The following PITPNC1 variants were observed in gnomAD, a reference collection of about 807,000 sequenced individuals.
PITPNC1 encodes phosphatidylinositol transfer protein cytoplasmic 1.
PITPNC1 carries 18 observed loss-of-function variants against 44.7 expected under a neutral mutation model. The ratio of observed to expected loss-of-function variants is 0.40; its 90% CI spans 0.28 to 0.60. The LOEUF (loss-of-function observed/expected upper bound fraction) is 0.60. Ranked by LOEUF, PITPNC1 falls within the 20% of genes least tolerant of loss-of-function variation. PITPNC1 has a pLI of 0.39. For missense variants in PITPNC1, 290 were observed against 418.4 expected (o/e 0.69, Z 2.68); for synonymous variants, 141 against 149.6 (o/e 0.94, Z 0.42).
At chr17:67,617,148 G>A (rs1388929313) in intron 5 of PITPNC1, among the ~76,000 whole-genome samples, 2 of 152,204 alleles carry the variant, frequency 1.3e-5, no homozygotes, top group Non-Finnish European at 2.9e-5. Context: ...CCTCAGGGAA[G>A]GCCAGCTTTT....
intron 5 of PITPNC1, among the ~76,000 whole-genome samples, chr17:67,609,003 C>T (rs2041652437): frequency 6.6e-6 from 1 of 151,142 alleles, no homozygotes; most frequent in Non-Finnish European, 1.5e-5. Flanking sequence ...GCATGGCTTC[C>T]CTGTGATTTT....
chr17:67,394,213 A>T (rs989874648), intron 1 of PITPNC1, among the ~76,000 whole-genome samples: 1 of 152,038 alleles, frequency 6.6e-6, no homozygotes, highest in African/African-American at 2.4e-5. Context: ...ATCACAGAAG[A>T]GATGAGGGTC....
intron 1 of PITPNC1, among the ~76,000 whole-genome samples, chr17:67,499,902 C>T (rs977263087): frequency 6.6e-6 from 1 of 152,216 alleles, no homozygotes; most frequent in Non-Finnish European, 1.5e-5. Flanking sequence ...ATATCCCCAT[C>T]GTTAAGCAAT....
At chr17:67,459,113 C>CTTTTTTTTTTTTTTTTTTTTTTTTTTTTT (rs886333854) in intron 1 of PITPNC1, among the ~76,000 whole-genome samples, 1 of 95,732 alleles carries the variant, frequency 1.0e-5, no homozygotes, top group Non-Finnish European at 2.1e-5. Context: ...TTTTCTTTTT[C>CTTTTTTTTTTTTTTTTTTTTTTTTTTTTT]TTTTTTTTTT....
intron 1 of PITPNC1, among the ~76,000 whole-genome samples, chr17:67,420,374 TCCTCCCTCCCCTC>T (rs1299833520): frequency 0.013 from 908 of 67,528 alleles, 10 homozygotes; most frequent in African/African-American, 0.048. Context: ...CTTCCTTCCT[TCCTCCCTCCCCTC>T]CCTCCCTCCC....
intron 1 of PITPNC1, among the ~76,000 whole-genome samples, chr17:67,432,342 G>A (rs557704903): frequency 1.3e-5 from 2 of 152,194 alleles, no homozygotes; most frequent in South Asian, 4.1e-4. Context: ...ACAAAAATTA[G>A]CCGGGCGTGG....
chr17:67,403,053 T>C (rs888348706), intron 1 of PITPNC1, among the ~76,000 whole-genome samples: 1 of 152,100 alleles, frequency 6.6e-6, no homozygotes, highest in Non-Finnish European at 1.5e-5. Context: ...CATGCCTTTG[T>C]GTCTTTCTCT....
At chr17:67,386,416 C>T (rs1181415983) in intron 1 of PITPNC1, among the ~76,000 whole-genome samples, 4 of 152,178 alleles carry the variant, frequency 2.6e-5, no homozygotes, top group Admixed American at 2.6e-4. Flanking sequence ...TGGTCTCGAA[C>T]TCCTGACCTC....
At chr17:67,589,833 T>C (rs1049028888) in intron 5 of PITPNC1, among the ~76,000 whole-genome samples, 2 of 152,120 alleles carry the variant, frequency 1.3e-5, no homozygotes, top group African/African-American at 4.8e-5. Context: ...CCAGACGTCA[T>C]GGCACATGCC....
Position 67,694,737 on chromosome 17 carries a change from T to G in PITPNC1, c.*1849T>G, listed in dbSNP as rs1283691550. The G allele has an allele frequency of 6.6e-6, 1 of 152,192 alleles. No homozygotes were observed. The highest frequency in any genetic ancestry group is 1.5e-5 in the Non-Finnish European group (1 of 68,026). The allele number at this position is 152,192 out of a possible 1,614,324, so 9.4% of individuals were successfully genotyped here. On this transcript the variant is annotated 3_prime_UTR_variant, in exon 9 of 9. Coordinates refer to ENST00000581322, the MANE Select transcript of PITPNC1 (RefSeq NM_012417.4). ...AGTAAGACACCTTCTATGCATGGTA[T>G]GGAAGCATGATTTTTGCTTGTGGGA...
At chr17:67,627,250 T>C (rs1434974328) in intron 5 of PITPNC1, among the ~76,000 whole-genome samples, 1 of 152,134 alleles carries the variant, frequency 6.6e-6, no homozygotes, top group Non-Finnish European at 1.5e-5. Context: ...TGAGACTTCA[T>C]CTCAAAAAGA....
At chr17:67,487,837 C>T (rs973217950) in intron 1 of PITPNC1, among the ~76,000 whole-genome samples, 1 of 152,234 alleles carries the variant, frequency 6.6e-6, no homozygotes, top group East Asian at 1.9e-4. Context: ...TGGGATCAGC[C>T]TCCAGGGCCT....
chr17:67,658,590 C>T (rs1302510702), intron 6 of PITPNC1, among the ~76,000 whole-genome samples: 2 of 152,126 alleles, frequency 1.3e-5, no homozygotes, highest in African/African-American at 4.8e-5. Context: ...CTAATTCTTC[C>T]TGGTTGTGAG....
chr17:67,681,567 C>T (rs934585488), intron 8 of PITPNC1, among the ~76,000 whole-genome samples: 1 of 132,528 alleles, frequency 7.5e-6, no homozygotes, highest in African/African-American at 2.8e-5. Flanking sequence ...TATGGTCACA[C>T]CACTGCACTC....
Position 67,692,925 on chromosome 17 carries a change from TTTG to T in PITPNC1, c.*49_*51del, listed in dbSNP as rs760284229. On this transcript the variant is annotated 3_prime_UTR_variant, in exon 9 of 9. Coordinates refer to ENST00000581322, the MANE Select transcript of PITPNC1 (RefSeq NM_012417.4). ...TATCTCATGGGGTTTTATATTTTCA[TTTG>T]TTGTTGTTGTTTTTTTTTAAGAATC... The T allele has an allele frequency of 3.6e-5, 47 of 1,298,646 alleles. No homozygotes were observed. The highest frequency in any genetic ancestry group is 1.9e-4 in the Middle Eastern group (1 of 5,242). 80.4% of individuals were successfully genotyped at this position (1,298,646 alleles called of 1,614,324 possible).
At chr17:67,398,002 A>T (rs1161367987) in intron 1 of PITPNC1, among the ~76,000 whole-genome samples, 2 of 151,544 alleles carry the variant, frequency 1.3e-5, no homozygotes, top group African/African-American at 2.4e-5. Context: ...CTGGGGCAGG[A>T]GAATGGTGTG....
At chr17:67,507,476 CA>C (rs534611317) in intron 1 of PITPNC1, among the ~76,000 whole-genome samples, 6 of 152,064 alleles carry the variant, frequency 3.9e-5, no homozygotes, top group African/African-American at 7.2e-5. Flanking sequence ...CTTTAGGTCA[CA>C]AGTTCGAGAC....
intron 1 of PITPNC1, among the ~76,000 whole-genome samples, chr17:67,519,180 T>TG (rs1241337283): frequency 2.1e-5 from 3 of 145,176 alleles, no homozygotes; most frequent in Non-Finnish European, 4.5e-5. Flanking sequence ...TGTTTTTTTT[T>TG]TTTTTTTTTT....
intron 1 of PITPNC1, among the ~76,000 whole-genome samples, chr17:67,501,143 T>C (rs951483485): frequency 1.8e-4 from 27 of 152,236 alleles, no homozygotes; most frequent in African/African-American, 6.3e-4. Flanking sequence ...TGTCATATTA[T>C]TACTTTCTCT....
Sources: allele counts gnomAD v4.1 joint callset (sites outside exome capture counted in the v4.1 genomes callset), GRCh38; gene constraint gnomAD v4.1.1; transcripts MANE v1.5; gene names NCBI Gene and HGNC (gene_info 2026-07-23, HGNC 2026-07-21).